The following LUZP2 variants were observed in gnomAD, a reference collection of about 807,000 sequenced individuals.
The protein encoded by LUZP2 is leucine zipper protein 2.
A neutral mutation model predicts 51.6 loss-of-function variants in LUZP2; 52 were observed. The observed-to-expected ratio is 1.01, with a 90% CI of 0.81 to 1.27. The LOEUF (loss-of-function observed/expected upper bound fraction) is 1.27, where lower values mean the gene tolerates loss of function less well. LUZP2 is among the 50% of genes most tolerant of loss of function. The pLI, the probability that LUZP2 is intolerant of heterozygous loss-of-function variation, is 0.00. For synonymous variants in LUZP2, 154 were observed against 137.3 expected (o/e 1.12, Z -0.85); for missense variants, 436 against 395.4 (o/e 1.10, Z -0.87).
intron 1 of LUZP2, among the ~76,000 whole-genome samples, chr11:24,714,163 G>A (rs1361663447): frequency 1.3e-5 from 2 of 151,946 alleles, no homozygotes; most frequent in Admixed American, 6.6e-5. Flanking sequence ...GCAAGAAGAG[G>A]GAGAGCATTA....
chr11:24,615,012 AG>A lies in LUZP2; in HGVS notation c.63-114155del, dbSNP rs373612777. Among the ~76,000 whole-genome samples, 39 of 152,102 alleles carry A rather than the reference AG, an allele frequency of 2.6e-4. No homozygotes were observed. In the East Asian group the frequency reaches 6.6e-3, roughly 26 times the overall value. On this transcript the variant is annotated intron_variant, in intron 1 of 11. Coordinates refer to ENST00000336930, the MANE Select transcript of LUZP2 (RefSeq NM_001009909.4). ...GTTTACTGCCTGTCATTAAGAAAAA[AG>A]GTTGAAATTTCAATTTTGAAATCAC...
rs186946112 is a variant in LUZP2 at position 24,722,852 on chromosome 11, G to A, written c.63-6317G>A. ...GAATTGCTTGACCTCAGGACGTGGA[G>A]GTTGCAGTGAGCCGATATCATGCCA... On this transcript the variant is annotated intron_variant, in intron 1 of 11. Transcript: ENST00000336930. 4.5e-3 allele frequency among the ~76,000 whole-genome samples: 683 copies of A among 151,986 alleles called. 12 individuals carry two copies. The highest frequency in any genetic ancestry group is 0.042 in the Admixed American group (638 of 15,230).
At chr11:25,012,466 A>G (rs1454635268) in intron 9 of LUZP2, among the ~76,000 whole-genome samples, 1 of 152,114 alleles carries the variant, frequency 6.6e-6, no homozygotes, top group Non-Finnish European at 1.5e-5. Flanking sequence ...TATCTCCCTG[A>G]TGCATTTTTA....
rs542803746 is a variant in LUZP2 at position 24,866,221 on chromosome 11, T to A, written c.397-39770T>A. Among the ~76,000 whole-genome samples the A allele has an allele frequency of 5.9e-5, 9 of 152,164 alleles. No individual in the cohort carries two copies. The South Asian group carries it at 1.9e-3, about 32-fold the overall frequency. On this transcript the variant is annotated intron_variant, in intron 5 of 11. Coordinates refer to ENST00000336930, the MANE Select transcript of LUZP2 (RefSeq NM_001009909.4). Reference sequence around the variant, plus strand: ...ACAAATCTTCATGAACACTCCTTAGTCCACTTATCTCCACTAATATCTTTA... The same window carrying A: ...ACAAATCTTCATGAACACTCCTTAGACCACTTATCTCCACTAATATCTTTA...
chr11:24,957,856 A>G (rs1302681253), intron 7 of LUZP2, among the ~76,000 whole-genome samples: 1 of 152,082 alleles, frequency 6.6e-6, no homozygotes, highest in East Asian at 1.9e-4. Context: ...TGCACCCACT[A>G]ACTCGTCATC....
At chr11:24,785,897 G>A (rs1222115396) in intron 5 of LUZP2, 1 of 985,136 alleles carries the variant, frequency 1.0e-6, no homozygotes, top group African/African-American at 1.7e-5. Flanking sequence ...GTTCCAAATT[G>A]GCAGCAGTTA....
intron 7 of LUZP2, among the ~76,000 whole-genome samples, chr11:24,973,720 A>C (rs909875916): frequency 4.0e-5 from 6 of 151,864 alleles, no homozygotes; most frequent in African/African-American, 1.5e-4. Flanking sequence ...AGGTTGTACA[A>C]TTTCTATGTA....
rs1306899434 is a variant in LUZP2, at chr11:25,080,128, A to G, written c.*1470A>G. ...TTAGCACAGGCAGGTCCCAACCACA[A>G]TGGTTCAACTTAACGGTTTTTTCAT... On this transcript the variant is annotated 3_prime_UTR_variant, in exon 12 of 12. Transcript: ENST00000336930. 3 of 152,198 alleles carry G rather than the reference A, an allele frequency of 2.0e-5. No homozygotes were observed. Among genetic ancestry groups the G allele is most frequent in the South Asian group, 4.1e-4 (2 of 4,836 alleles). The allele number at this position is 152,198 out of a possible 1,614,324, so 9.4% of individuals were successfully genotyped here.
intron 9 of LUZP2, among the ~76,000 whole-genome samples, chr11:25,006,268 A>G (rs2133950761): frequency 6.6e-6 from 1 of 152,242 alleles, no homozygotes; most frequent in African/African-American, 2.4e-5. Context: ...AAGAGAGGTG[A>G]GAGGAAGTTT....
In LUZP2 at chr11:24,936,157, T is replaced by C. The variant is rs530980211; in HGVS notation, c.522+21619T>C. Among the ~76,000 whole-genome samples the C allele has an allele frequency of 3.3e-4, 50 of 152,284 alleles. 2 individuals are homozygous for C. In the South Asian group the frequency reaches 0.01, roughly 31 times the overall value. On this transcript the variant is annotated intron_variant, in intron 7 of 11. Coordinates refer to ENST00000336930, the MANE Select transcript of LUZP2 (RefSeq NM_001009909.4). ...AATAGACACAGTTCAGAACAATTTTTTAAAAGTTCACAAATTTTATAGTTT... is the reference window on the plus strand; with the variant it reads ...AATAGACACAGTTCAGAACAATTTTCTAAAAGTTCACAAATTTTATAGTTT...
At chr11:24,829,408 C>CAAACACAT (rs1242836845) in intron 5 of LUZP2, among the ~76,000 whole-genome samples, 12 of 152,122 alleles carry the variant, frequency 7.9e-5, no homozygotes, top group Admixed American at 2.6e-4. Context: ...CAGCTTTCTG[C>CAAACACAT]AAACACATAA....
At chr11:24,501,386 A>T (rs570179353) in intron 1 of LUZP2, among the ~76,000 whole-genome samples, 132 of 152,336 alleles carry the variant, frequency 8.7e-4, no homozygotes, top group Non-Finnish European at 1.1e-3. Context: ...TCCTTAACCA[A>T]ACTCCATGTA....
At chr11:24,930,161 G>C (rs903995105) in intron 7 of LUZP2, among the ~76,000 whole-genome samples, 3 of 152,266 alleles carry the variant, frequency 2.0e-5, no homozygotes, top group East Asian at 1.9e-4. Context: ...GTAGATACTT[G>C]GTTGGTGAAT....
At chr11:25,016,996 G>C (rs1857179033) in intron 9 of LUZP2, among the ~76,000 whole-genome samples, 1 of 151,858 alleles carries the variant, frequency 6.6e-6, no homozygotes. Flanking sequence ...TCTCATTGTG[G>C]TTTTAATTTG....
At chr11:24,796,936 G>T (rs1216985525) in intron 5 of LUZP2, among the ~76,000 whole-genome samples, 1 of 152,082 alleles carries the variant, frequency 6.6e-6, no homozygotes, top group African/African-American at 2.4e-5. Flanking sequence ...AGGGAGGAGG[G>T]CGAGGTTTGG....
chr11:25,067,590 T>G (rs1565305210), intron 10 of LUZP2, among the ~76,000 whole-genome samples: 1 of 151,982 alleles, frequency 6.6e-6, no homozygotes, highest in Non-Finnish European at 1.5e-5. Context: ...TCATCATTGG[T>G]CATTAGAGAA....
At chr11:24,912,333 A>G (rs1853659887) in intron 6 of LUZP2, among the ~76,000 whole-genome samples, 1 of 151,940 alleles carries the variant, frequency 6.6e-6, no homozygotes, top group African/African-American at 2.4e-5. Flanking sequence ...GTGACTTATA[A>G]TAGAAATATC....
intron 5 of LUZP2, among the ~76,000 whole-genome samples, chr11:24,822,612 C>T (rs116902492): frequency 8.2e-4 from 125 of 152,258 alleles, no homozygotes; most frequent in Non-Finnish European, 1.5e-3. Context: ...GTGCTCCCTT[C>T]GCTTCCTTCA....
At chr11:24,688,591 A>G (rs2133884234) in intron 1 of LUZP2, among the ~76,000 whole-genome samples, 1 of 152,174 alleles carries the variant, frequency 6.6e-6, no homozygotes, top group East Asian at 1.9e-4. Flanking sequence ...CTTTTTATTC[A>G]CTTTTTGATG....
Sources: gnomAD v4.1 joint callset for allele counts (sites outside exome capture counted in the v4.1 genomes callset) on GRCh38, gnomAD v4.1.1 for gene constraint, MANE v1.5 for transcripts, NCBI Gene and HGNC (gene_info 2026-07-23, HGNC 2026-07-21) for gene names.